The following MACF1 variants were observed in gnomAD, a reference collection of about 807,000 sequenced individuals.
MACF1 encodes microtubule actin crosslinking factor 1, also known as microtubule-actin cross-linking factor 1.
Under a neutral mutation model 854.8 loss-of-function variants are expected in MACF1, and 193 were observed. The observed-to-expected ratio is 0.23, with a 90% CI of 0.20 to 0.25. MACF1 has a LOEUF of 0.25. Among genes scored for constraint, MACF1 ranks in the 10% least tolerant of loss-of-function variants. The pLI, the probability that MACF1 is intolerant of heterozygous loss-of-function variation, is 1.00. For missense variants in MACF1, 7,722 were observed against 8,929.1 expected (o/e 0.86, Z 5.45); for synonymous variants, 3,185 against 3,226.7 (o/e 0.99, Z 0.44).
intron 6 of MACF1, among the ~76,000 whole-genome samples, chr1:39,279,351 G>A (rs1007555061): frequency 6.6e-6 from 1 of 151,686 alleles, no homozygotes; most frequent in South Asian, 2.1e-4. Context: ...ATATTTAGTA[G>A]CCTGCAGCTT....
intron 58 of MACF1, chr1:39,413,771 C>G: frequency 6.2e-7 from 1 of 1,610,736 alleles, no homozygotes. Flanking sequence ...CCCGAGGAAT[C>G]TGCCTCCCCA....
intron 64 of MACF1, 51 bp from the exon 65 acceptor site, chr1:39,429,773 ACTC>A: frequency 6.4e-7 from 1 of 1,554,522 alleles, no homozygotes; most frequent in South Asian, 1.1e-5. Flanking sequence ...GGGATCAGAG[ACTC>A]CTCATTCCTA....
At position 39,333,416 on chromosome 1, in the gene MACF1, A is replaced by G. The variant is rs1161408439; in HGVS notation, c.6828A>G (p.Pro2276=). Residue 2276 remains proline, a synonymous_variant, in exon 37 of 101, where the codon CCA becomes CCG. Transcript: ENST00000564288. The part of the protein sequence containing the change: ...GREIFLSCSH[P]LELLEEATLN... The stretch of plus-strand genomic sequence containing the variant: ...AAATTTTTCTGTCATGCAGTCATCC[A>G]TTAGAATTGCTTGAAGAAGCTACCT... 1.9e-6 allele frequency: 3 copies of G among 1,614,188 alleles called. No individual in the cohort carries two copies. The highest frequency in any genetic ancestry group is 2.5e-6 in the Non-Finnish European group (3 of 1,180,024).
intron 97 of MACF1, among the ~76,000 whole-genome samples, chr1:39,473,176 G>C (rs979560528): frequency 2.6e-5 from 4 of 152,162 alleles, no homozygotes; most frequent in Non-Finnish European, 5.9e-5. Context: ...CCAGCATCCT[G>C]CATGCACCCA....
chr1:39,304,496 T>A, intron 23 of MACF1: 1 of 1,429,818 alleles, frequency 7.0e-7, no homozygotes. Context: ...TCCTTGAGAT[T>A]TTTCTGGAAG....
At chr1:39,153,192 C>G (rs547447487) in intron 2 of MACF1, among the ~76,000 whole-genome samples, 1 of 152,132 alleles carries the variant, frequency 6.6e-6, no homozygotes, top group South Asian at 2.1e-4. Flanking sequence ...TAACCTTGTT[C>G]CAGTGGAAGG....
In MACF1 at chr1:39,335,809, TA is replaced by T; in HGVS notation, c.9224del (p.Asn3075ThrfsTer3). 6.2e-7 allele frequency: 1 copy of T among 1,614,084 alleles called. No individual in the cohort carries two copies. The highest frequency in any genetic ancestry group is 8.5e-7 in the Non-Finnish European group (1 of 1,179,986). Reference protein sequence around the residue: ...FSSKQANEGKVNNLSLCLTLK... With the variant: ...FSSKQANEGKXNNLSLCLTLK... ...TCTAAACAGGCCAATGAAGGAAAAG[TA>T]AACAATTTAAGTCTCTGCTTGACTT... On this transcript the variant is annotated frameshift_variant, in exon 37 of 101. Coordinates refer to ENST00000564288, the MANE Select transcript of MACF1 (RefSeq NM_001394062.1). LOFTEE classifies it high-confidence loss of function.
At chr1:39,269,116 G>A in intron 6 of MACF1, 1 of 1,289,772 alleles carries the variant, frequency 7.8e-7, no homozygotes, top group Non-Finnish European at 1.0e-6. Flanking sequence ...CTGGAAGAGG[G>A]GATGACTGTC....
At chr1:39,194,454 A>G (rs1013104411) in intron 2 of MACF1, among the ~76,000 whole-genome samples, 2 of 148,514 alleles carry the variant, frequency 1.3e-5, no homozygotes, top group Non-Finnish European at 3.0e-5. Flanking sequence ...CCCGGGCTCA[A>G]GGGATTCTTC....
chr1:39,169,217 G>A (rs1287298591), intron 2 of MACF1, among the ~76,000 whole-genome samples: 3 of 152,058 alleles, frequency 2.0e-5, no homozygotes, highest in Admixed American at 2.0e-4. Flanking sequence ...TTTGTTTTCT[G>A]TGTCCTGTTT....
chr1:39,424,306 A>T, intron 61 of MACF1, 112 bp downstream of exon 61: 1 of 830,258 alleles, frequency 1.2e-6, no homozygotes, highest in Non-Finnish European at 1.8e-6. Context: ...AAGGTGTTTA[A>T]TGGCTTTTAT....
chr1:39,382,971 A>G (rs1022173783), intron 56 of MACF1, among the ~76,000 whole-genome samples: 8 of 151,390 alleles, frequency 5.3e-5, no homozygotes, highest in African/African-American at 1.9e-4. Context: ...AAATACAACA[A>G]TTAGCCGGGC....
intron 2 of MACF1, among the ~76,000 whole-genome samples, chr1:39,139,364 C>T (rs1643269037): frequency 6.6e-6 from 1 of 150,564 alleles, no homozygotes; most frequent in African/African-American, 2.4e-5. Context: ...TCAAGCGATT[C>T]TCCTGCCTCA....
chr1:39,188,400 C>T (rs775300864), intron 2 of MACF1, among the ~76,000 whole-genome samples: 5 of 152,004 alleles, frequency 3.3e-5, no homozygotes, highest in African/African-American at 1.2e-4. Flanking sequence ...AGAGTGAGAC[C>T]CTGTCTCCAA....
intron 58 of MACF1, chr1:39,412,704 A>G (rs1643073407): frequency 1.2e-6 from 2 of 1,614,004 alleles, no homozygotes; most frequent in African/African-American, 2.7e-5. Flanking sequence ...CAGAGAAACA[A>G]GTTACCAAGG....
rs1449268396 is a variant in MACF1, at chr1:39,335,257, G to A, written c.8669G>A (p.Cys2890Tyr). The change falls in exon 37 of 101, where the codon TGT (cysteine) becomes TAT (tyrosine). Residue 2890 changes from cysteine to tyrosine, a missense_variant. Around this residue, in one of 15 missense-constraint regions of MACF1, gnomAD observed 854 missense variants for 852.6 expected, o/e 1.00. Coordinates refer to ENST00000564288, the MANE Select transcript of MACF1 (RefSeq NM_001394062.1). ...QVSLTHPYSECDFKLKEVARN... is the reference protein window; with the variant it reads ...QVSLTHPYSEYDFKLKEVARN... ...TCATTGACACACCCTTACTCTGAAT[G>A]TGATTTTAAACTTAAAGAAGTGGCT... 6.2e-7 allele frequency: 1 copy of A among 1,614,038 alleles called. No homozygotes were observed. The highest frequency in any genetic ancestry group is 8.5e-7 in the Non-Finnish European group (1 of 1,179,938).
At chr1:39,298,888 A>G (rs1645979850) in intron 21 of MACF1, among the ~76,000 whole-genome samples, 1 of 151,818 alleles carries the variant, frequency 6.6e-6, no homozygotes, top group African/African-American at 2.4e-5. Flanking sequence ...TGGTTGTCAT[A>G]TCTTCTCTTC....
intron 52 of MACF1, among the ~76,000 whole-genome samples, chr1:39,374,613 TAAC>T (rs1649551910): frequency 6.6e-6 from 1 of 152,180 alleles, no homozygotes; most frequent in Non-Finnish European, 1.5e-5. Flanking sequence ...TCTGCCATTG[TAAC>T]AAAAACAGCC....
At chr1:39,340,466 CTT>C in intron 38 of MACF1, 34 bp from the exon 39 acceptor site, 1 of 1,498,690 alleles carries the variant, frequency 6.7e-7, no homozygotes. Flanking sequence ...GGTTTCTAGT[CTT>C]GCTTTTATAG....
Sources: gnomAD v4.1 joint callset for allele counts (sites outside exome capture counted in the v4.1 genomes callset) on GRCh38, gnomAD v4.1.1 for gene constraint, gnomAD v4.1.1 regional missense constraint, MANE v1.5 for transcripts, NCBI Gene and HGNC (gene_info 2026-07-23, HGNC 2026-07-21) for gene names.